Variants in PCDH15 observed in about 807,000 individuals in gnomAD.
PCDH15 encodes protocadherin-15.
A neutral mutation model predicts 178.5 loss-of-function variants in PCDH15; 129 were observed. That is an observed-to-expected ratio of 0.72 (90% CI 0.63 to 0.84). PCDH15 has a LOEUF of 0.84. PCDH15 is among the 40% of genes least tolerant of loss of function. The probability of loss-of-function intolerance (pLI) is 0.00; values close to 1 mark genes in which losing one functional copy is unlikely to be tolerated. For synonymous variants in PCDH15, 800 were observed against 732.0 expected (o/e 1.09, Z -1.50); for missense variants, 2,230 against 2,099.9 (o/e 1.06, Z -1.21).
chr10:53,922,961 C>A (rs961817215), intron 25 of PCDH15, among the ~76,000 whole-genome samples: 2 of 151,990 alleles, frequency 1.3e-5, no homozygotes, highest in Non-Finnish European at 2.9e-5. Context: ...GTGGCGGGCA[C>A]CTGTAGTCCC....
intron 3 of PCDH15, among the ~76,000 whole-genome samples, chr10:54,853,952 C>T (rs7477863): frequency 0.12 from 18,256 of 152,182 alleles, 1,739 homozygotes; most frequent in East Asian, 0.41. Flanking sequence ...CCGCTGGGTT[C>T]GTTTTGCCCA....
intron 2 of PCDH15, among the ~76,000 whole-genome samples, chr10:54,573,715 C>T (rs2090119304): frequency 6.6e-6 from 1 of 151,756 alleles, no homozygotes; most frequent in East Asian, 1.9e-4. Flanking sequence ...TAGTTTTCCC[C>T]AACTTCAGAT....
intron 35 of PCDH15, among the ~76,000 whole-genome samples, chr10:53,811,952 T>A (rs761279490): frequency 1.3e-5 from 2 of 152,200 alleles, no homozygotes; most frequent in Non-Finnish European, 2.9e-5. Flanking sequence ...AAATTATCAA[T>A]CAATAGTTAA....
chr10:55,459,241 A>AAAG lies in PCDH15; in HGVS notation c.-156+168383_-156+168384insCTT, dbSNP rs1554872419. On this transcript the variant is annotated intron_variant, in intron 2 of 5. Transcript: ENST00000613346. ...CGAGTGTCCTTGGAGGCAAAAAAAA[A>AAAG]AAAGAAGGAAAGAAAAAAATAAATC... 2.1e-3 allele frequency among the ~76,000 whole-genome samples: 285 copies of AAAG among 134,218 alleles called. 6 individuals carry two copies. Among genetic ancestry groups the AAAG allele is most frequent in the African/African-American group, 7.9e-3 (277 of 35,276 alleles). 88.1% of individuals were successfully genotyped at this position (134,218 alleles called of 152,430 possible).
At chr10:55,084,479 G>T (rs1448809857) in intron 2 of PCDH15, among the ~76,000 whole-genome samples, 1 of 144,028 alleles carries the variant, frequency 6.9e-6, no homozygotes, top group East Asian at 2.3e-4. Flanking sequence ...AAAACTAAAA[G>T]AAAACTTTTG....
chr10:55,160,879 C>T (rs1247522088), intron 2 of PCDH15, among the ~76,000 whole-genome samples: 5 of 152,128 alleles, frequency 3.3e-5, no homozygotes, highest in Non-Finnish European at 7.4e-5. Context: ...TATTTAAAGC[C>T]TTGCCTGCAT....
chr10:54,785,679 T>C (rs1566246154), intron 1 of PCDH15, among the ~76,000 whole-genome samples: 1 of 152,024 alleles, frequency 6.6e-6, no homozygotes, highest in Non-Finnish European at 1.5e-5. Context: ...ACTAATTCTT[T>C]GTAAACTTAG....
At chr10:54,990,910 A>C (rs1355670148) in intron 2 of PCDH15, among the ~76,000 whole-genome samples, 1 of 152,138 alleles carries the variant, frequency 6.6e-6, no homozygotes, top group Non-Finnish European at 1.5e-5. Context: ...AACTAGTTCC[A>C]GTTGCCTGCT....
chr10:54,624,420 C>A (rs2093479324), intron 2 of PCDH15, among the ~76,000 whole-genome samples: 1 of 152,122 alleles, frequency 6.6e-6, no homozygotes, highest in Non-Finnish European at 1.5e-5. Flanking sequence ...TTAAAAGTGT[C>A]ATAAAGAAAC....
intron 15 of PCDH15, among the ~76,000 whole-genome samples, chr10:54,098,924 T>C (rs1411252756): frequency 6.6e-6 from 1 of 152,194 alleles, no homozygotes; most frequent in Non-Finnish European, 1.5e-5. Context: ...TCCAGATTTA[T>C]ATAAATAGAA....
intron 2 of PCDH15, among the ~76,000 whole-genome samples, chr10:54,531,782 C>T (rs1406731057): frequency 6.6e-6 from 1 of 152,020 alleles, no homozygotes; most frequent in African/African-American, 2.4e-5. Context: ...AGCCTGGGTC[C>T]CATTTGCCCA....
intron 3 of PCDH15, among the ~76,000 whole-genome samples, chr10:54,825,481 G>C (rs1218491606): frequency 6.8e-6 from 1 of 148,032 alleles, no homozygotes; most frequent in Non-Finnish European, 1.5e-5. Flanking sequence ...CTAGTTTACA[G>C]TCCCACCAAC....
chr10:55,045,036 T>C (rs1840962642), intron 2 of PCDH15, among the ~76,000 whole-genome samples: 1 of 152,106 alleles, frequency 6.6e-6, no homozygotes, highest in Non-Finnish European at 1.5e-5. Flanking sequence ...TAAACACATC[T>C]CAAGTGATAC....
intron 14 of PCDH15, among the ~76,000 whole-genome samples, chr10:54,142,395 A>G (rs1251107143): frequency 6.6e-6 from 1 of 152,164 alleles, no homozygotes; most frequent in East Asian, 1.9e-4. Context: ...GGTGACAATC[A>G]AAATGAACTG....
chr10:53,984,721 C>T (rs1424746988), intron 21 of PCDH15, among the ~76,000 whole-genome samples: 2 of 152,126 alleles, frequency 1.3e-5, no homozygotes, highest in Non-Finnish European at 2.9e-5. Flanking sequence ...ATTTCTTTCT[C>T]TTCTTTTATT....
At chr10:55,162,373 T>G (rs2132114529) in intron 2 of PCDH15, among the ~76,000 whole-genome samples, 1 of 152,184 alleles carries the variant, frequency 6.6e-6, no homozygotes, top group East Asian at 1.9e-4. Flanking sequence ...ACAAAATGTA[T>G]TTTTTTCCAG....
intron 2 of PCDH15, among the ~76,000 whole-genome samples, chr10:54,950,434 T>G (rs1838311369): frequency 6.6e-6 from 1 of 152,028 alleles, no homozygotes; most frequent in Non-Finnish European, 1.5e-5. Context: ...TTACAAGATC[T>G]GATGGTTTTA....
chr10:55,012,909 A>G (rs139152058), intron 2 of PCDH15, among the ~76,000 whole-genome samples: 1,580 of 152,218 alleles, frequency 0.01, 24 homozygotes, highest in African/African-American at 0.035. Context: ...CTAAGTACCA[A>G]TATAACCAAC....
intron 10 of PCDH15, among the ~76,000 whole-genome samples, chr10:54,204,260 T>C (rs1377044026): frequency 6.6e-6 from 1 of 152,036 alleles, no homozygotes; most frequent in Non-Finnish European, 1.5e-5. Context: ...ATATACATCC[T>C]GAGTTGGTTA....
Sources: allele counts gnomAD v4.1 joint callset (sites outside exome capture counted in the v4.1 genomes callset), GRCh38; gene constraint gnomAD v4.1.1; transcripts MANE v1.5; gene names NCBI Gene and HGNC (gene_info 2026-07-23, HGNC 2026-07-21).